The following HS6ST3 variants were observed in gnomAD, a reference collection of about 807,000 sequenced individuals.
HS6ST3 encodes the protein heparan-sulfate 6-O-sulfotransferase 3.
In HS6ST3, 12 loss-of-function variants were observed where a neutral mutation model predicts 36.7. That is an observed-to-expected ratio of 0.33 (90% confidence interval 0.21 to 0.53). The LOEUF is 0.53. Among genes scored for constraint, HS6ST3 ranks in the 20% least tolerant of loss-of-function variants. The probability of loss-of-function intolerance (pLI) is 0.95; values close to 1 mark genes in which losing one functional copy is unlikely to be tolerated. For synonymous variants in HS6ST3, 240 were observed against 257.5 expected (o/e 0.93, Z 0.65); for missense variants, 584 against 640.9 (o/e 0.91, Z 0.96).
At chr13:96,358,643 G>T (rs1459618242) in intron 1 of HS6ST3, among the ~76,000 whole-genome samples, 4 of 151,576 alleles carry the variant, frequency 2.6e-5, no homozygotes, top group African/African-American at 9.8e-5. Flanking sequence ...AAAATAAAAA[G>T]AAAAGAGAGA....
rs532474393 is a variant in HS6ST3 at position 96,709,995 on chromosome 13, T to C, written c.708-122495T>C. Reference sequence around the variant, plus strand: ...GGGCTCTAAGTGGCAGAGCCGTATTTGAATCTGCATCCTCAGTCCATGTCC... The same window carrying C: ...GGGCTCTAAGTGGCAGAGCCGTATTCGAATCTGCATCCTCAGTCCATGTCC... On this transcript the variant is annotated intron_variant, in intron 1 of 1. Transcript: ENST00000376705. Among the ~76,000 whole-genome samples the C allele has an allele frequency of 2.0e-3, 311 of 152,318 alleles. 1 individual carries two copies. The highest frequency in any genetic ancestry group is 3.8e-3 in the Non-Finnish European group (261 of 68,024).
chr13:96,104,905 G>T (rs1225701993), intron 1 of HS6ST3, among the ~76,000 whole-genome samples: 1 of 151,960 alleles, frequency 6.6e-6, no homozygotes, highest in Non-Finnish European at 1.5e-5. Context: ...TTTCATGATG[G>T]TTGTTTATGT....
chr13:96,830,248 G>A (rs1222189607), intron 1 of HS6ST3, among the ~76,000 whole-genome samples: 1 of 152,096 alleles, frequency 6.6e-6, no homozygotes, highest in East Asian at 1.9e-4. Flanking sequence ...TCAACTTAGG[G>A]TGTTTTCGAA....
chr13:96,091,377 A>G lies in HS6ST3; in HGVS notation c.515A>G (p.Glu172Gly), dbSNP rs766926849. 6.2e-7 allele frequency: 1 copy of G among 1,613,958 alleles called. No homozygotes were observed. Among genetic ancestry groups the G allele is most frequent in the Non-Finnish European group, 8.5e-7 (1 of 1,179,948 alleles). Residue 172 changes from glutamate (E) to glycine (G), a missense_variant, in exon 1 of 2, where the codon GAG (glutamate) becomes GGG (glycine). Glu to Gly is a moderately conservative substitution (Grantham distance 98). Coordinates refer to ENST00000376705, the MANE Select transcript of HS6ST3 (RefSeq NM_153456.4). The part of the protein sequence containing the change: ...GRHLVKNIRL[E>G]QPCSCKAGQK... ...CACCTGGTGAAGAACATCCGGCTGG[A>G]GCAGCCTTGTAGCTGCAAAGCGGGT...
chr13:96,519,347 C>T (rs919247523), intron 1 of HS6ST3, among the ~76,000 whole-genome samples: 2 of 152,228 alleles, frequency 1.3e-5, no homozygotes, highest in African/African-American at 4.8e-5. Flanking sequence ...ATGACCTGTA[C>T]ACTTTCCCTA....
chr13:96,792,674 G>A (rs1261275551), intron 1 of HS6ST3, among the ~76,000 whole-genome samples: 1 of 152,014 alleles, frequency 6.6e-6, no homozygotes, highest in East Asian at 1.9e-4. Flanking sequence ...CAGAAAGAAG[G>A]AGGACTATTG....
At chr13:96,774,901 T>G (rs1401534009) in intron 1 of HS6ST3, among the ~76,000 whole-genome samples, 2 of 151,930 alleles carry the variant, frequency 1.3e-5, no homozygotes, top group Admixed American at 6.6e-5. Flanking sequence ...AAGGTTGAAA[T>G]GCAGGAAAAA....
intron 1 of HS6ST3, among the ~76,000 whole-genome samples, chr13:96,137,064 C>T (rs2054006021): frequency 6.6e-6 from 1 of 152,094 alleles, no homozygotes; most frequent in South Asian, 2.1e-4. Flanking sequence ...AATGCACAAT[C>T]TCAAATATGT....
At chr13:96,500,010 C>G (rs184054232) in intron 1 of HS6ST3, among the ~76,000 whole-genome samples, 4 of 152,238 alleles carry the variant, frequency 2.6e-5, no homozygotes, top group African/African-American at 9.6e-5. Context: ...TGCAGTTGTG[C>G]AACATCCCTG....
At chr13:96,269,670 T>A (rs1290361640) in intron 1 of HS6ST3, among the ~76,000 whole-genome samples, 1 of 152,018 alleles carries the variant, frequency 6.6e-6, no homozygotes, top group Non-Finnish European at 1.5e-5. Context: ...CGTCTTTAGC[T>A]TTGACTGAGT....
At chr13:96,306,647 G>T (rs1259730816) in intron 1 of HS6ST3, among the ~76,000 whole-genome samples, 1 of 152,114 alleles carries the variant, frequency 6.6e-6, no homozygotes, top group East Asian at 1.9e-4. Flanking sequence ...ACTGACTGCT[G>T]GGGGAAGGGC....
intron 1 of HS6ST3, among the ~76,000 whole-genome samples, chr13:96,160,098 A>G (rs1334306704): frequency 1.3e-5 from 2 of 152,264 alleles, no homozygotes; most frequent in African/African-American, 4.8e-5. Context: ...AATAGCTAAT[A>G]AAGTGAATAA....
intron 1 of HS6ST3, among the ~76,000 whole-genome samples, chr13:96,112,545 C>A (rs1432751611): frequency 7.7e-6 from 1 of 129,408 alleles, no homozygotes; most frequent in Non-Finnish European, 1.6e-5. Context: ...CCAGGTTGGG[C>A]AACATGATAA....
chr13:96,459,413 C>T (rs1337234347), intron 1 of HS6ST3, among the ~76,000 whole-genome samples: 1 of 151,126 alleles, frequency 6.6e-6, no homozygotes, highest in African/African-American at 2.5e-5. Context: ...TCTTGGTTAT[C>T]ATATTGGAAA....
chr13:96,355,433 A>G lies in HS6ST3; in HGVS notation c.707+263864A>G, dbSNP rs1421644957. On this transcript the variant is annotated intron_variant, in intron 1 of 1. Transcript: ENST00000376705. ...CACAAACACACACACACAGAGGCAT[A>G]GATGATAATGTGGGTTTGGTTCCTG... Among the ~76,000 whole-genome samples the G allele has an allele frequency of 2.0e-5, 3 of 151,920 alleles. No homozygotes were observed. The South Asian group carries it at 6.2e-4, about 32-fold the overall frequency.
At chr13:96,658,268 C>CTTCTTCTTTTTTT (rs1566422902) in intron 1 of HS6ST3, among the ~76,000 whole-genome samples, 1 of 76,174 alleles carries the variant, frequency 1.3e-5, no homozygotes, top group South Asian at 5.5e-4. Flanking sequence ...TCTTCTTCTT[C>CTTCTTCTTTTTTT]TTTTTTTTTT....
intron 1 of HS6ST3, among the ~76,000 whole-genome samples, chr13:96,207,650 A>G (rs570047622): frequency 1.3e-5 from 2 of 152,314 alleles, no homozygotes; most frequent in Non-Finnish European, 2.9e-5. Context: ...ATGCAGCCAT[A>G]AAAAGGAATG....
At position 96,295,846 on chromosome 13, in the gene HS6ST3, C is replaced by T. The variant is rs146933723; in HGVS notation, c.707+204277C>T. Among the ~76,000 whole-genome samples, 772 of 152,172 alleles carry T rather than the reference C, an allele frequency of 5.1e-3. 4 individuals are homozygous for T. The highest frequency in any genetic ancestry group is 7.5e-3 in the Non-Finnish European group (513 of 67,978). On this transcript the variant is annotated intron_variant, in intron 1 of 1. Coordinates refer to ENST00000376705, the MANE Select transcript of HS6ST3 (RefSeq NM_153456.4). ...TGCGCTGATTGTCAGGGAAGAATGA[C>T]TGTGGTTACACACATAGGAGGGGCA... is the stretch of plus-strand genomic sequence containing the variant.
chr13:96,215,910 T>A (rs1002073469), intron 1 of HS6ST3, among the ~76,000 whole-genome samples: 1 of 152,214 alleles, frequency 6.6e-6, no homozygotes, highest in Non-Finnish European at 1.5e-5. Flanking sequence ...TTAACCAAAA[T>A]GATTACTACT....
Sources: allele counts gnomAD v4.1 joint callset (sites outside exome capture counted in the v4.1 genomes callset), GRCh38; gene constraint gnomAD v4.1.1; transcripts MANE v1.5; gene names NCBI Gene and HGNC (gene_info 2026-07-23, HGNC 2026-07-21).